Variants in SLC9A7 observed in about 807,000 individuals in gnomAD.
SLC9A7 encodes sodium/hydrogen exchanger 7.
Under a neutral mutation model 52.6 loss-of-function variants are expected in SLC9A7, and 19 were observed. The ratio of observed to expected loss-of-function variants is 0.36; its 90% CI spans 0.25 to 0.53. The LOEUF (loss-of-function observed/expected upper bound fraction) is 0.53. SLC9A7 is among the 20% of genes least tolerant of loss of function. SLC9A7 has a pLI of 0.91. For missense variants in SLC9A7, 455 were observed against 597.9 expected, an observed-to-expected ratio of 0.76 and a Z score of 2.49; for synonymous variants, 226 against 252.1, an observed-to-expected ratio of 0.90 and a Z score of 0.98.
intron 7 of SLC9A7, among the ~76,000 whole-genome samples, chrX:46,657,876 T>C (rs765783412): frequency 3.8e-5 from 4 of 105,250 alleles, no homozygotes; most frequent in Admixed American, 2.1e-4. Context: ...GCGGACCTAA[T>C]AGACATCTAC....
At chrX:46,686,798 C>T (rs1944302449) in intron 1 of SLC9A7, among the ~76,000 whole-genome samples, 1 of 111,521 alleles carries the variant, frequency 9.0e-6, no homozygotes. Flanking sequence ...TCACTGATTT[C>T]GTAGGTACAT....
At chrX:46,627,662 C>T (rs1469623532) in intron 14 of SLC9A7, among the ~76,000 whole-genome samples, 3 of 106,854 alleles carry the variant, frequency 2.8e-5, no homozygotes, top group African/African-American at 1.0e-4. Context: ...AACTATTTGT[C>T]AAATAAATGA....
rs560518554 is a variant in SLC9A7 at position 46,668,906 on chromosome X, A to G, written c.793+701T>C. Among the ~76,000 whole-genome samples, 31 of 111,657 alleles carry G rather than the reference A, an allele frequency of 2.8e-4. No individual in the cohort carries two copies. The South Asian group carries it at 4.9e-3, about 18-fold the overall frequency. The stretch of plus-strand genomic sequence containing the variant: ...AGATAGGCTGGGCACGGTGGCTCAC[A>G]CCTGTAATCCCAGCACTTTGGGAGG... On this transcript the variant is annotated intron_variant, in intron 5 of 16. Coordinates refer to ENST00000616978, the MANE Select transcript of SLC9A7 (RefSeq NM_001257291.2).
chrX:46,661,190 G>T (rs1031290981), intron 7 of SLC9A7, among the ~76,000 whole-genome samples: 1 of 107,421 alleles, frequency 9.3e-6, no homozygotes, highest in African/African-American at 3.4e-5. Flanking sequence ...CATGGACACA[G>T]GAAGGGGAAC....
intron 1 of SLC9A7, among the ~76,000 whole-genome samples, chrX:46,718,101 A>G (rs1481364350): frequency 8.9e-6 from 1 of 111,780 alleles, no homozygotes; most frequent in Non-Finnish European, 1.9e-5. Flanking sequence ...AAACAGAGAT[A>G]AAGACCAATG....
rs1192664185 is a variant in SLC9A7, at chrX:46,657,898, C to A, written c.1041+4118G>T. Among the ~76,000 whole-genome samples the A allele has an allele frequency of 5.9e-3, 628 of 106,508 alleles. 4 individuals carry two copies. Among genetic ancestry groups the A allele is most frequent in the African/African-American group, 0.02 (594 of 29,224 alleles). 92.5% of individuals were successfully genotyped at this position (106,508 alleles called of 115,157 possible). ...TAATAGACATCTACAGAACTCTCCA[C>A]CCCAAATCAACAGAATATACATTTT... On this transcript the variant is annotated intron_variant, in intron 7 of 16. Transcript: ENST00000616978.
rs1248071298 is a variant in SLC9A7, at chrX:46,606,942, G to C, written c.*10C>G. The stretch of plus-strand genomic sequence containing the variant: ...AGCCTACCCCATCGCGCCAGGGCTT[G>C]GGGGGAAAGTCAAGCATTATCTTCC... On this transcript the variant is annotated 3_prime_UTR_variant, in exon 17 of 17. Coordinates refer to ENST00000616978, the MANE Select transcript of SLC9A7 (RefSeq NM_001257291.2). 8.3e-7 allele frequency: 1 copy of C among 1,211,123 alleles called. No individual in the cohort carries two copies. Among genetic ancestry groups the C allele is most frequent in the East Asian group, 3.0e-5 (1 of 33,827 alleles).
Position 46,599,601 on chromosome X carries a change from C to T in SLC9A7, c.*7351G>A, listed in dbSNP as rs1353360290. Reference sequence around the variant, plus strand: ...TTTACAATAGCAATCTAAACATACACAAAGGCAAACATTGAGTAAAATGCT... The same window carrying T: ...TTTACAATAGCAATCTAAACATACATAAAGGCAAACATTGAGTAAAATGCT... On this transcript the variant is annotated 3_prime_UTR_variant, in exon 17 of 17. Coordinates refer to ENST00000616978, the MANE Select transcript of SLC9A7 (RefSeq NM_001257291.2). The T allele has an allele frequency of 1.8e-5, 2 of 111,960 alleles. No homozygotes were observed. Among genetic ancestry groups the T allele is most frequent in the Non-Finnish European group, 3.8e-5 (2 of 53,164 alleles). 9.2% of individuals were successfully genotyped at this position (111,960 alleles called of 1,213,427 possible).
At position 46,606,986 on chromosome X, in the gene SLC9A7, G is replaced by A. The variant is rs760539020; in HGVS notation, c.2147C>T (p.Thr716Ile). The A allele has an allele frequency of 6.6e-6, 8 of 1,209,330 alleles. No homozygotes were observed. Among genetic ancestry groups the A allele is most frequent in the African/African-American group, 5.3e-5 (3 of 56,970 alleles). The change falls in exon 17 of 17, where the codon ACC becomes ATC. Residue 716 changes from threonine (T) to isoleucine (I), a missense_variant. Transcript: ENST00000616978. The stretch of plus-strand genomic sequence containing the variant: ...ATCTTCCAGGGGAAACACTAGGCGG[G>A]TGCCCCGGCTCGAAACCTTCTGGTC... ...MGDQKVSSRG[T>I]RLVFPLEDNA
chrX:46,700,086 C>CA (rs1944507689), intron 1 of SLC9A7, among the ~76,000 whole-genome samples: 1 of 106,646 alleles, frequency 9.4e-6, no homozygotes, highest in Non-Finnish European at 1.9e-5. Context: ...GCCTGAGTGA[C>CA]AGCGAAACCT....
chrX:46,627,789 C>T (rs1943157042), intron 14 of SLC9A7, among the ~76,000 whole-genome samples: 1 of 100,284 alleles, frequency 1.0e-5, no homozygotes, highest in African/African-American at 3.7e-5. Context: ...GGGGGGGGGG[C>T]GGTGGTCACA....
intron 1 of SLC9A7, among the ~76,000 whole-genome samples, chrX:46,741,368 C>T (rs1444569133): frequency 6.3e-5 from 7 of 111,588 alleles, no homozygotes; most frequent in African/African-American, 2.3e-4. Context: ...TCACACTACC[C>T]AATTTTAAGA....
At chrX:46,691,356 AT>A (rs1163351835) in intron 1 of SLC9A7, among the ~76,000 whole-genome samples, 2 of 112,147 alleles carry the variant, frequency 1.8e-5, no homozygotes, top group African/African-American at 6.5e-5. Context: ...CTAAGGCATT[AT>A]TTGTTGCTAT....
chrX:46,628,706 C>CT (rs1414290470), intron 14 of SLC9A7, among the ~76,000 whole-genome samples: 3 of 111,964 alleles, frequency 2.7e-5, no homozygotes, highest in East Asian at 2.8e-4. Flanking sequence ...GAGAACCGCC[C>CT]TTTTTTTTCT....
rs1237669099 is a variant in SLC9A7 at position 46,758,828 on chromosome X, G to C, written c.202C>G (p.Arg68Gly). The change falls in exon 1 of 17, where the codon CGG becomes GGG. Residue 68 changes from arginine to glycine, a missense_variant. Coordinates refer to ENST00000616978, the MANE Select transcript of SLC9A7 (RefSeq NM_001257291.2). ...ATEKEAEESH[R>G]QDSVSLLTFI... Reference sequence around the variant, plus strand: ...GTGAGCAGGCTCACGCTGTCTTGCCGGTGGCTCTCCTCCGCCTCCTTCTCA... The same window carrying C: ...GTGAGCAGGCTCACGCTGTCTTGCCCGTGGCTCTCCTCCGCCTCCTTCTCA... 8.3e-7 allele frequency: 1 copy of C among 1,205,478 alleles called. No homozygotes were observed. The highest frequency in any genetic ancestry group is 1.1e-6 in the Non-Finnish European group (1 of 893,103).
chrX:46,609,363 G>A (rs1353866772), intron 16 of SLC9A7, among the ~76,000 whole-genome samples: 1 of 112,024 alleles, frequency 8.9e-6, no homozygotes, highest in Non-Finnish European at 1.9e-5. Context: ...CCCAAGCCCA[G>A]ACATAGTACT....
At chrX:46,665,276 A>T (rs192204715) in intron 5 of SLC9A7, among the ~76,000 whole-genome samples, 201 of 111,535 alleles carry the variant, frequency 1.8e-3, no homozygotes, top group Non-Finnish European at 3.3e-3. Flanking sequence ...AGTGGGAAAA[A>T]CAAAAGAATG....
chrX:46,643,392 G>T lies in SLC9A7; in HGVS notation c.1463-3C>A. On this transcript the variant is annotated splice_polypyrimidine_tract_variant and splice_region_variant and intron_variant, in intron 11 of 16. Transcript: ENST00000616978. ...AAATGCCATTGCTCCCCTGAGGCCT[G>T]CGGGGACCAAAGAAGAAGATCTACT... The T allele has an allele frequency of 8.3e-7, 1 of 1,200,883 alleles. No homozygotes were observed.
At chrX:46,624,361 C>T (rs914381302) in intron 14 of SLC9A7, among the ~76,000 whole-genome samples, 2 of 111,813 alleles carry the variant, frequency 1.8e-5, no homozygotes, top group Admixed American at 9.4e-5. Flanking sequence ...ACTCCAGGTA[C>T]GTAGTGAGTT....
Sources: allele counts gnomAD v4.1 joint callset (sites outside exome capture counted in the v4.1 genomes callset), GRCh38; gene constraint gnomAD v4.1.1; transcripts MANE v1.5; gene names NCBI Gene and HGNC (gene_info 2026-07-23, HGNC 2026-07-21).